NRG3: variants seen among roughly 807,000 people sequenced by gnomAD.
NRG3 encodes the protein pro-neuregulin-3, membrane-bound isoform.
A neutral mutation model predicts 66.9 loss-of-function variants in NRG3; 31 were observed. The ratio of observed to expected loss-of-function variants is 0.46; its 90% CI spans 0.35 to 0.63. The LOEUF (loss-of-function observed/expected upper bound fraction) is 0.63, where lower values mean the gene tolerates loss of function less well. NRG3 is among the 20% of genes least tolerant of loss of function. The pLI is 0.00. For missense variants in NRG3, 910 were observed against 878.9 expected (o/e 1.04, Z -0.45); for synonymous variants, 393 against 359.4 (o/e 1.09, Z -1.06).
At chr10:82,438,081 G>A (rs1175409451) in intron 2 of NRG3, among the ~76,000 whole-genome samples, 1 of 152,180 alleles carries the variant, frequency 6.6e-6, no homozygotes, top group Non-Finnish European at 1.5e-5. Flanking sequence ...CTTTGGTGGA[G>A]AGAGTGTGCT....
At chr10:82,938,419 T>C (rs555452736) in intron 4 of NRG3, among the ~76,000 whole-genome samples, 1 of 152,324 alleles carries the variant, frequency 6.6e-6, no homozygotes, top group South Asian at 2.1e-4. Context: ...ATGCCTGCTC[T>C]ATGCAGTCTG....
intron 2 of NRG3, among the ~76,000 whole-genome samples, chr10:82,540,416 G>T (rs546902299): frequency 1.3e-5 from 2 of 152,032 alleles, no homozygotes; most frequent in East Asian, 1.9e-4. Context: ...CAGGCCAAAA[G>T]ATGTTTTGGG....
At chr10:81,967,230 A>G (rs1006373155) in intron 1 of NRG3, among the ~76,000 whole-genome samples, 4 of 151,826 alleles carry the variant, frequency 2.6e-5, no homozygotes, top group Admixed American at 6.6e-5. Flanking sequence ...TTGTTTTTGT[A>G]TAAGTAGTTT....
chr10:82,410,216 G>T (rs1388526854), intron 2 of NRG3, among the ~76,000 whole-genome samples: 3 of 152,064 alleles, frequency 2.0e-5, no homozygotes, highest in Non-Finnish European at 4.4e-5. Context: ...CTATGGCTGG[G>T]CGTGGTGGCT....
chr10:82,461,378 C>G (rs1445451967), intron 2 of NRG3, among the ~76,000 whole-genome samples: 1 of 152,130 alleles, frequency 6.6e-6, no homozygotes, highest in Non-Finnish European at 1.5e-5. Context: ...CAGCACCCAC[C>G]ATTACCACCA....
rs142051279 is a variant in NRG3 at position 82,464,525 on chromosome 10, G to A, written c.953+105657G>A. Among the ~76,000 whole-genome samples, 265 of 152,250 alleles carry A rather than the reference G, an allele frequency of 1.7e-3. 2 individuals carry two copies. Among genetic ancestry groups the A allele is most frequent in the Middle Eastern group, 0.017 (5 of 294 alleles). The stretch of plus-strand genomic sequence containing the variant: ...AAAAGAGCCAGCCTTCCTTGCCACC[G>A]TGGAGACAGTCTGAGAGTCAAAGTG... On this transcript the variant is annotated intron_variant, in intron 2 of 8. Coordinates refer to ENST00000372141, the MANE Select transcript of NRG3 (RefSeq NM_001010848.4).
intron 1 of NRG3, among the ~76,000 whole-genome samples, chr10:82,243,852 C>T (rs1398069511): frequency 6.6e-6 from 1 of 152,056 alleles, no homozygotes; most frequent in African/African-American, 2.4e-5. Context: ...CATTATACAG[C>T]AAAGGAGAGA....
intron 4 of NRG3, among the ~76,000 whole-genome samples, chr10:82,928,093 A>G (rs1248117130): frequency 2.0e-5 from 3 of 152,152 alleles, no homozygotes; most frequent in Non-Finnish European, 4.4e-5. Context: ...TCTAATGACC[A>G]GTGATGATGA....
intron 2 of NRG3, among the ~76,000 whole-genome samples, chr10:82,500,449 A>G (rs1038299309): frequency 1.3e-5 from 2 of 152,148 alleles, no homozygotes; most frequent in African/African-American, 4.8e-5. Context: ...ATTTCTCTCC[A>G]TGTTAACTTC....
chr10:82,950,655 A>G (rs1849432054), intron 4 of NRG3, among the ~76,000 whole-genome samples: 1 of 152,236 alleles, frequency 6.6e-6, no homozygotes, highest in Non-Finnish European at 1.5e-5. Flanking sequence ...GTCATGGACC[A>G]TGGTCACTGT....
At chr10:82,478,406 C>A (rs1369452839) in intron 2 of NRG3, among the ~76,000 whole-genome samples, 4 of 47,714 alleles carry the variant, frequency 8.4e-5, no homozygotes, top group Non-Finnish European at 1.2e-4. Context: ...TGCGGCCTTC[C>A]GCAGTGTTTG....
chr10:82,198,682 A>T (rs146163389), intron 1 of NRG3, among the ~76,000 whole-genome samples: 1 of 152,116 alleles, frequency 6.6e-6, no homozygotes, highest in African/African-American at 2.4e-5. Flanking sequence ...GTGCAAGGCT[A>T]TGATTCTAAC....
intron 2 of NRG3, among the ~76,000 whole-genome samples, chr10:82,421,191 A>T (rs1334319941): frequency 1.3e-5 from 2 of 152,148 alleles, no homozygotes; most frequent in Admixed American, 6.5e-5. Context: ...ATAAGTATTA[A>T]CACCTGTGAC....
Position 82,667,479 on chromosome 10 carries a change from T to C in NRG3, c.954-71098T>C, listed in dbSNP as rs531408965. Among the ~76,000 whole-genome samples the C allele has an allele frequency of 3.9e-5, 6 of 152,332 alleles. No individual in the cohort carries two copies. The East Asian group carries it at 1.2e-3, about 29-fold the overall frequency. On this transcript the variant is annotated intron_variant, in intron 2 of 8. Transcript: ENST00000372141. ...ATTTGCCCAAAGTACCCGTTGACTC[T>C]AAGTAGTCTTTAGTGCGGTGCTCAA...
chr10:82,553,523 G>T (rs902325014), intron 2 of NRG3, among the ~76,000 whole-genome samples: 3 of 152,054 alleles, frequency 2.0e-5, no homozygotes, highest in African/African-American at 7.2e-5. Context: ...TTTCAGTGCT[G>T]ATTTCTGAAG....
intron 1 of NRG3, among the ~76,000 whole-genome samples, chr10:81,988,562 C>A (rs1407350096): frequency 6.6e-6 from 1 of 152,120 alleles, no homozygotes; most frequent in Non-Finnish European, 1.5e-5. Flanking sequence ...GATATCAATC[C>A]AATACATTGA....
At chr10:81,995,263 A>G (rs2060894468) in intron 1 of NRG3, among the ~76,000 whole-genome samples, 1 of 152,246 alleles carries the variant, frequency 6.6e-6, no homozygotes, top group African/African-American at 2.4e-5. Flanking sequence ...TAGTTATTAT[A>G]GTATACAAGA....
chr10:82,787,309 T>C (rs2060410396), intron 3 of NRG3, among the ~76,000 whole-genome samples: 1 of 152,180 alleles, frequency 6.6e-6, no homozygotes, highest in African/African-American at 2.4e-5. Flanking sequence ...AAGAAAAGAA[T>C]TGTGTCTTAA....
At chr10:82,074,220 G>T (rs1002044225) in intron 1 of NRG3, among the ~76,000 whole-genome samples, 2 of 152,128 alleles carry the variant, frequency 1.3e-5, no homozygotes, top group African/African-American at 4.8e-5. Context: ...GGTGTTCCAC[G>T]TGAGGTTCTA....
Sources: allele counts gnomAD v4.1 joint callset (sites outside exome capture counted in the v4.1 genomes callset), GRCh38; gene constraint gnomAD v4.1.1; transcripts MANE v1.5; gene names NCBI Gene and HGNC (gene_info 2026-07-23, HGNC 2026-07-21).